The following CDH4 variants were observed in gnomAD, a reference collection of about 807,000 sequenced individuals.
The protein encoded by CDH4 is cadherin-4.
In CDH4, 33 loss-of-function variants were observed where a neutral mutation model predicts 86.0. That is an observed-to-expected ratio of 0.38 (90% CI 0.29 to 0.51). CDH4 has a LOEUF of 0.51. Among genes scored for constraint, CDH4 ranks in the 20% least tolerant of loss-of-function variants. CDH4 has a pLI of 0.86. For missense variants in CDH4, 1,114 were observed against 1,307.4 expected (o/e 0.85, Z 2.28); for synonymous variants, 555 against 549.4 (o/e 1.01, Z -0.14).
intron 2 of CDH4, among the ~76,000 whole-genome samples, chr20:61,606,031 C>T (rs923233970): frequency 2.6e-5 from 4 of 152,146 alleles, no homozygotes; most frequent in Admixed American, 2.6e-4. Flanking sequence ...TGGGCAATGG[C>T]ATCCCGCTGA....
intron 2 of CDH4, among the ~76,000 whole-genome samples, chr20:61,339,870 G>A (rs1381493557): frequency 1.3e-5 from 2 of 152,206 alleles, no homozygotes; most frequent in East Asian, 3.9e-4. Context: ...ACTATTCAGT[G>A]TGCCCTATAG....
rs2086286378 is a variant in CDH4 at position 61,565,366 on chromosome 20, G to GCGGTGCTCTTGGTGA, written c.170-178197_170-178196insCGGTGCTCTTGGTGA. On this transcript the variant is annotated intron_variant, in intron 2 of 15. Coordinates refer to ENST00000614565, the MANE Select transcript of CDH4 (RefSeq NM_001794.5). Reference sequence around the variant, plus strand: ...TGGTCCTCTTGGTGATGGGGTGATGGTGGTGGTGGTCCTCTTGGTGATGGG... The same window carrying GCGGTGCTCTTGGTGA: ...TGGTCCTCTTGGTGATGGGGTGATGGCGGTGCTCTTGGTGATGGTGGTGGTCCTCTTGGTGATGGG... Among the ~76,000 whole-genome samples, 3 of 39,638 alleles carry GCGGTGCTCTTGGTGA rather than the reference G, an allele frequency of 7.6e-5. 1 individual carries two copies. The highest frequency in any genetic ancestry group is 4.8e-4 in the Admixed American group (2 of 4,130). 26.0% of individuals were successfully genotyped at this position (39,638 alleles called of 152,430 possible). A position where few individuals can be genotyped will look rare whatever the true frequency, so the allele number is the denominator to read the frequency against.
At chr20:61,616,082 G>A (rs557161600) in intron 2 of CDH4, among the ~76,000 whole-genome samples, 14 of 152,304 alleles carry the variant, frequency 9.2e-5, no homozygotes, top group South Asian at 4.1e-4. Context: ...TGAGCCCTCC[G>A]CACAGAGAGC....
intron 2 of CDH4, among the ~76,000 whole-genome samples, chr20:61,414,684 T>G (rs1397835889): frequency 6.6e-6 from 1 of 152,176 alleles, no homozygotes; most frequent in Non-Finnish European, 1.5e-5. Context: ...AGAGAGCTCA[T>G]CCTGTCCTTA....
chr20:61,813,594 G>A (rs1439970973), intron 4 of CDH4, among the ~76,000 whole-genome samples: 1 of 152,196 alleles, frequency 6.6e-6, no homozygotes, highest in Non-Finnish European at 1.5e-5. Flanking sequence ...GGCTGGGCCT[G>A]GCAGGGAGGG....
chr20:61,613,256 C>T (rs575944656), intron 2 of CDH4, among the ~76,000 whole-genome samples: 8 of 152,234 alleles, frequency 5.3e-5, no homozygotes, highest in African/African-American at 1.9e-4. Flanking sequence ...ACTTTAAAGT[C>T]GTTTAAAGAC....
chr20:61,543,026 G>A (rs767834372), intron 2 of CDH4, among the ~76,000 whole-genome samples: 36 of 152,312 alleles, frequency 2.4e-4, no homozygotes, highest in South Asian at 2.1e-4. Flanking sequence ...GATGTTCCAG[G>A]GCAGGAAGCA....
intron 2 of CDH4, among the ~76,000 whole-genome samples, chr20:61,725,648 G>A (rs757982224): frequency 9.5e-4 from 144 of 152,124 alleles, no homozygotes; most frequent in Non-Finnish European, 1.5e-3. Flanking sequence ...GAAATGGAGT[G>A]CAAGCAGAAA....
intron 2 of CDH4, among the ~76,000 whole-genome samples, chr20:61,597,247 G>A (rs367777565): frequency 5.3e-5 from 8 of 152,204 alleles, no homozygotes; most frequent in South Asian, 4.1e-4. Flanking sequence ...TCCATCCCCC[G>A]ATCTACAGAC....
In CDH4 at chr20:61,484,273, G is replaced by A. The variant is rs553875051; in HGVS notation, c.169+229336G>A. ...ACATTCCCACGTTTTATTCTTTTGC[G>A]CTTTCATCTCCTTCCTGAAATGCAA... On this transcript the variant is annotated intron_variant, in intron 2 of 15. Coordinates refer to ENST00000614565, the MANE Select transcript of CDH4 (RefSeq NM_001794.5). Among the ~76,000 whole-genome samples the A allele has an allele frequency of 1.6e-3, 243 of 152,116 alleles. 12 individuals carry two copies. The South Asian group carries it at 0.049, about 31-fold the overall frequency.
chr20:61,647,528 T>TCTCTCCCTCTCCCTCTCC (rs111670033), intron 2 of CDH4, among the ~76,000 whole-genome samples: 34 of 90,524 alleles, frequency 3.8e-4, no homozygotes, highest in East Asian at 9.4e-4. Flanking sequence ...ACACATATTC[T>TCTCTCCCTCTCCCTCTCC]CTCTCCCTCT....
chr20:61,292,620 G>T (rs1248967833), intron 2 of CDH4, among the ~76,000 whole-genome samples: 4 of 152,222 alleles, frequency 2.6e-5, no homozygotes, highest in Non-Finnish European at 4.4e-5. Context: ...CACAGAGGAC[G>T]GCCCAGCCCC....
At chr20:61,533,392 G>A (rs1207118603) in intron 2 of CDH4, among the ~76,000 whole-genome samples, 1 of 152,226 alleles carries the variant, frequency 6.6e-6, no homozygotes, top group East Asian at 1.9e-4. Context: ...ACCCGCTGAT[G>A]TAAAGCTGCG....
chr20:61,924,209 G>A, intron 10 of CDH4, 125 bp from the exon 11 acceptor site: 4 of 947,452 alleles, frequency 4.2e-6, no homozygotes, highest in Admixed American at 2.4e-5. Context: ...GGCCTGGGGG[G>A]CTCCAAGGAG....
At chr20:61,370,348 A>C (rs1350470538) in intron 2 of CDH4, 2 of 152,256 alleles carry the variant, frequency 1.3e-5, no homozygotes, top group Non-Finnish European at 2.9e-5. Flanking sequence ...ATCCATGCAG[A>C]GGAGAGTGGT....
chr20:61,875,937 AACACAC>A (rs34781850), intron 7 of CDH4, among the ~76,000 whole-genome samples: 1 of 151,158 alleles, frequency 6.6e-6, no homozygotes, highest in Non-Finnish European at 1.5e-5. Flanking sequence ...GCGCTCCCCC[AACACAC>A]ACACACACAC....
chr20:61,399,385 G>A lies in CDH4; in HGVS notation c.169+144448G>A, dbSNP rs1309811089. 4.4e-5 allele frequency among the ~76,000 whole-genome samples: 2 copies of A among 45,314 alleles called. 1 individual carries two copies. Among genetic ancestry groups the A allele is most frequent in the African/African-American group, 2.5e-4 (2 of 8,066 alleles). 29.7% of individuals were successfully genotyped at this position (45,314 alleles called of 152,430 possible). A position where few individuals can be genotyped will look rare whatever the true frequency, so the allele number is the denominator to read the frequency against. ...CTGACCTCATGATCCACCCGCCTCA[G>A]CCTCCCAAAGTGCTGGGATTACAGG... On this transcript the variant is annotated intron_variant, in intron 2 of 15. Coordinates refer to ENST00000614565, the MANE Select transcript of CDH4 (RefSeq NM_001794.5).
chr20:61,369,220 AGGCGG>A (rs1315300650), intron 2 of CDH4, among the ~76,000 whole-genome samples: 10 of 152,176 alleles, frequency 6.6e-5, no homozygotes, highest in Admixed American at 6.5e-4. Context: ...TGGGAGGCTG[AGGCGG>A]GCAGATCATG....
intron 2 of CDH4, among the ~76,000 whole-genome samples, chr20:61,581,397 C>T (rs116829061): frequency 0.014 from 2,188 of 152,228 alleles, 55 homozygotes; most frequent in African/African-American, 0.05. Flanking sequence ...CCTGGAGGAC[C>T]CTGGAGAATT....
Sources: gnomAD v4.1 joint callset for allele counts (sites outside exome capture counted in the v4.1 genomes callset) on GRCh38, gnomAD v4.1.1 for gene constraint, MANE v1.5 for transcripts, NCBI Gene and HGNC (gene_info 2026-07-23, HGNC 2026-07-21) for gene names.